The following PRKAR1B variants were observed in gnomAD, a reference collection of about 807,000 sequenced individuals.
PRKAR1B encodes protein kinase cAMP-dependent type I regulatory subunit beta.
Under a neutral mutation model 46.5 loss-of-function variants are expected in PRKAR1B, and 22 were observed. The observed-to-expected ratio is 0.47, with a 90% confidence interval of 0.34 to 0.68. The LOEUF (loss-of-function observed/expected upper bound fraction) is 0.68, where lower values mean the gene tolerates loss of function less well. Ranked by LOEUF, PRKAR1B falls within the 30% of genes least tolerant of loss-of-function variation. PRKAR1B has a pLI of 0.01. For synonymous variants in PRKAR1B, 259 were observed against 217.7 expected (o/e 1.19, Z -1.67); for missense variants, 445 against 535.6 (o/e 0.83, Z 1.67).
intron 4 of PRKAR1B, among the ~76,000 whole-genome samples, chr7:626,273 C>G (rs1295995001): frequency 2.0e-5 from 3 of 152,208 alleles, no homozygotes; most frequent in Non-Finnish European, 4.4e-5. Flanking sequence ...AGGAAGATCA[C>G]TTGAGGCCAG....
chr7:630,324 G>C (rs1438982210), intron 4 of PRKAR1B, among the ~76,000 whole-genome samples: 1 of 152,196 alleles, frequency 6.6e-6, no homozygotes, highest in African/African-American at 2.4e-5. Context: ...CCAGGCAGGT[G>C]GTCCTGTTGT....
At chr7:599,327 C>G (rs1471671874) in intron 6 of PRKAR1B, among the ~76,000 whole-genome samples, 1 of 150,814 alleles carries the variant, frequency 6.6e-6, no homozygotes, top group Non-Finnish European at 1.5e-5. Context: ...GATGGAGTTT[C>G]GCTCTTGTTC....
At chr7:550,642 T>C in intron 10 of PRKAR1B, 40 bp from the exon 11 acceptor site, 1 of 1,484,246 alleles carries the variant, frequency 6.7e-7, no homozygotes, top group East Asian at 2.3e-5. Flanking sequence ...GGCCTGGGGG[T>C]CCTGAGGCTG....
intron 4 of PRKAR1B, among the ~76,000 whole-genome samples, chr7:636,806 G>A (rs1234209488): frequency 6.6e-6 from 1 of 152,212 alleles, no homozygotes; most frequent in Non-Finnish European, 1.5e-5. Flanking sequence ...CCTCCTGGGT[G>A]AGGAATGGGT....
At chr7:712,225 C>G (rs1021202773) in intron 1 of PRKAR1B, among the ~76,000 whole-genome samples, 13 of 150,538 alleles carry the variant, frequency 8.6e-5, no homozygotes, top group African/African-American at 2.4e-4. Context: ...AGACCCCGCG[C>G]CCCCCGCCCC....
At chr7:629,170 C>T (rs1783587728) in intron 4 of PRKAR1B, among the ~76,000 whole-genome samples, 1 of 152,252 alleles carries the variant, frequency 6.6e-6, no homozygotes, top group South Asian at 2.1e-4. Context: ...TGAAAGGCAC[C>T]GGGCTCATGG....
chr7:685,289 T>C (rs1036107387), intron 2 of PRKAR1B, among the ~76,000 whole-genome samples: 734 of 12,026 alleles, frequency 0.061, 64 homozygotes, highest in African/African-American at 0.08. Flanking sequence ...CGTATATATA[T>C]GTATACATAT....
chr7:582,438 G>A (rs1002266396), intron 8 of PRKAR1B, among the ~76,000 whole-genome samples: 1 of 152,262 alleles, frequency 6.6e-6, no homozygotes, highest in Admixed American at 6.5e-5. Context: ...CTTTTTGGAG[G>A]ACTTTGTGCC....
intron 4 of PRKAR1B, among the ~76,000 whole-genome samples, chr7:655,927 G>A (rs550803770): frequency 4.7e-5 from 7 of 150,282 alleles, no homozygotes; most frequent in African/African-American, 1.7e-4. Context: ...ATGTGAGGCT[G>A]CTCTCTGGGA....
At chr7:684,768 G>A (rs1168412777) in intron 2 of PRKAR1B, among the ~76,000 whole-genome samples, 1 of 152,028 alleles carries the variant, frequency 6.6e-6, no homozygotes, top group Non-Finnish European at 1.5e-5. Context: ...AACTACACAA[G>A]AGTAGACAGA....
intron 4 of PRKAR1B, among the ~76,000 whole-genome samples, chr7:648,934 C>A (rs1363913133): frequency 1.3e-5 from 2 of 152,156 alleles, no homozygotes; most frequent in Admixed American, 1.3e-4. Context: ...GAGGCCGAGG[C>A]AGGTGGATCG....
intron 2 of PRKAR1B, among the ~76,000 whole-genome samples, chr7:706,444 G>A (rs1298634302): frequency 2.5e-5 from 1 of 39,960 alleles, no homozygotes; most frequent in Non-Finnish European, 5.5e-5. Flanking sequence ...TTTTTTTTGA[G>A]ACGGAGTCTC....
Position 607,386 on chromosome 7 carries a change from C to G in PRKAR1B, c.502+5G>C, listed in dbSNP as rs745954573. The G allele has an allele frequency of 6.2e-7, 1 of 1,612,712 alleles. No homozygotes were observed. Among genetic ancestry groups the G allele is most frequent in the Non-Finnish European group, 8.5e-7 (1 of 1,178,928 alleles). Reference sequence around the variant, plus strand: ...CTTTGGCTCCGAGGAGCAGGCAGAACGTACCTTGCTGTATAACAGTCTCCC... The same window carrying G: ...CTTTGGCTCCGAGGAGCAGGCAGAAGGTACCTTGCTGTATAACAGTCTCCC... On this transcript the variant is annotated splice_donor_5th_base_variant and intron_variant, in intron 5 of 10. Transcript: ENST00000537384.
chr7:551,104 G>C (rs972597167), intron 10 of PRKAR1B, among the ~76,000 whole-genome samples: 1 of 152,168 alleles, frequency 6.6e-6, no homozygotes, highest in South Asian at 2.1e-4. Flanking sequence ...TGGCTACACT[G>C]TGCCCCCTCA....
chr7:712,062 G>A (rs551545350), intron 1 of PRKAR1B, among the ~76,000 whole-genome samples: 1 of 151,444 alleles, frequency 6.6e-6, no homozygotes, highest in South Asian at 2.1e-4. Context: ...TGGCGGTGGT[G>A]GGGGGGTGGG....
At chr7:648,922 G>A (rs1784755431) in intron 4 of PRKAR1B, among the ~76,000 whole-genome samples, 1 of 152,188 alleles carries the variant, frequency 6.6e-6, no homozygotes, top group Non-Finnish European at 1.5e-5. Context: ...CCAGCACTTT[G>A]GGAGGCCGAG....
At chr7:674,912 G>A (rs1391481547) in intron 4 of PRKAR1B, among the ~76,000 whole-genome samples, 1 of 152,192 alleles carries the variant, frequency 6.6e-6, no homozygotes, top group Non-Finnish European at 1.5e-5. Flanking sequence ...GAGTGGCTGG[G>A]TGCCAAGACC....
chr7:589,493 C>A (rs1255557643), intron 7 of PRKAR1B, among the ~76,000 whole-genome samples: 2 of 69,454 alleles, frequency 2.9e-5, no homozygotes, highest in Non-Finnish European at 6.2e-5. Flanking sequence ...GCTGAATGCT[C>A]CCCAGCAATC....
chr7:726,222 C>T (rs2128537535), intron 1 of PRKAR1B, among the ~76,000 whole-genome samples: 1 of 152,354 alleles, frequency 6.6e-6, no homozygotes, highest in East Asian at 1.9e-4. Context: ...ACAGGCTGCA[C>T]GTGAAGCCCA....
Sources: allele counts gnomAD v4.1 joint callset (sites outside exome capture counted in the v4.1 genomes callset), GRCh38; gene constraint gnomAD v4.1.1; transcripts MANE v1.5; gene names NCBI Gene and HGNC (gene_info 2026-07-23, HGNC 2026-07-21).